The following PCSK5 variants were observed in gnomAD, a reference collection of about 807,000 sequenced individuals.
The protein encoded by PCSK5 is proprotein convertase subtilisin/kexin type 5.
PCSK5 carries 129 observed loss-of-function variants against 233.2 expected under a neutral mutation model. The ratio of observed to expected loss-of-function variants is 0.55; its 90% confidence interval spans 0.48 to 0.64. The LOEUF (loss-of-function observed/expected upper bound fraction) is 0.64. Among genes scored for constraint, PCSK5 ranks in the 30% least tolerant of loss-of-function variants. PCSK5 has a pLI of 0.00. For missense variants in PCSK5, 2,076 were observed against 2,430.1 expected (o/e 0.85, Z 3.06); for synonymous variants, 825 against 879.2 (o/e 0.94, Z 1.09).
chr9:76,102,235 GC>G (rs2131668542), intron 8 of PCSK5, among the ~76,000 whole-genome samples: 1 of 152,174 alleles, frequency 6.6e-6, no homozygotes, highest in East Asian at 1.9e-4. Context: ...GCACTGACGA[GC>G]CCTTTTGTAG....
At chr9:76,252,472 G>A (rs772680156) in intron 24 of PCSK5, among the ~76,000 whole-genome samples, 2 of 152,090 alleles carry the variant, frequency 1.3e-5, no homozygotes, top group Non-Finnish European at 2.9e-5. Context: ...TGCTCATCTA[G>A]AGCTGTCAGC....
intron 8 of PCSK5, among the ~76,000 whole-genome samples, chr9:76,097,693 C>G (rs1017676777): frequency 1.3e-5 from 2 of 152,214 alleles, no homozygotes; most frequent in Non-Finnish European, 2.9e-5. Flanking sequence ...AAAGAGGACA[C>G]TTAGTAGCAC....
chr9:76,176,659 T>C (rs982511841), intron 14 of PCSK5, among the ~76,000 whole-genome samples: 1 of 152,224 alleles, frequency 6.6e-6, no homozygotes, highest in African/African-American at 2.4e-5. Context: ...TTCTTCTTGT[T>C]AGCGTTACAC....
intron 24 of PCSK5, among the ~76,000 whole-genome samples, chr9:76,250,790 G>GTT (rs1826777013): frequency 6.6e-6 from 1 of 152,162 alleles, no homozygotes; most frequent in Admixed American, 6.5e-5. Flanking sequence ...CGGACTTTAC[G>GTT]TTAGTAATAA....
chr9:76,279,330 G>C (rs1338568241), intron 24 of PCSK5, among the ~76,000 whole-genome samples: 3 of 148,946 alleles, frequency 2.0e-5, no homozygotes, highest in Non-Finnish European at 3.0e-5. Context: ...CATTTGGGTT[G>C]GTTCCAAGTC....
chr9:76,304,278 G>A (rs17062412), intron 28 of PCSK5, among the ~76,000 whole-genome samples: 19,341 of 152,196 alleles, frequency 0.13, 1,390 homozygotes, highest in Non-Finnish European at 0.14. Flanking sequence ...ACCTGTATTT[G>A]CATCTATCCG....
intron 30 of PCSK5, among the ~76,000 whole-genome samples, chr9:76,312,149 TGACA>T (rs1191377914): frequency 6.6e-6 from 1 of 152,216 alleles, no homozygotes; most frequent in Non-Finnish European, 1.5e-5. Context: ...CGGAAGTAAC[TGACA>T]GTGTCTACTT....
At chr9:76,160,954 A>C (rs1822826537) in intron 12 of PCSK5, among the ~76,000 whole-genome samples, 1 of 152,020 alleles carries the variant, frequency 6.6e-6, no homozygotes, top group East Asian at 1.9e-4. Context: ...TTGTATTTTT[A>C]GTAGAGACGG....
At chr9:76,207,515 T>C (rs1458192890) in intron 20 of PCSK5, among the ~76,000 whole-genome samples, 1 of 152,234 alleles carries the variant, frequency 6.6e-6, no homozygotes, top group Non-Finnish European at 1.5e-5. Flanking sequence ...TATTAAACAC[T>C]TACTATGTGT....
intron 20 of PCSK5, chr9:76,209,619 T>C (rs1001297158): frequency 2.2e-5 from 11 of 490,432 alleles, no homozygotes; most frequent in African/African-American, 5.9e-5. Context: ...AGTCAACTTA[T>C]TTATTTACCA....
At chr9:76,240,561 ACG>A in intron 23 of PCSK5, 53 bp from the exon 24 acceptor site, 1 of 1,169,096 alleles carries the variant, frequency 8.6e-7, no homozygotes, top group Non-Finnish European at 1.3e-6. Flanking sequence ...GTAGCAATTA[ACG>A]TGTCTCCACT....
chr9:76,256,907 C>T (rs1403850324), intron 24 of PCSK5, among the ~76,000 whole-genome samples: 1 of 152,220 alleles, frequency 6.6e-6, no homozygotes, highest in Admixed American at 6.5e-5. Flanking sequence ...AGGAAAGCAT[C>T]ACATAAATTG....
chr9:76,109,629 G>A (rs1377187677), intron 9 of PCSK5, among the ~76,000 whole-genome samples: 1 of 150,448 alleles, frequency 6.6e-6, no homozygotes, highest in African/African-American at 2.4e-5. Context: ...CAACTGTGAT[G>A]AGTAGAAGGA....
At chr9:75,968,077 A>G (rs769831016) in intron 2 of PCSK5, among the ~76,000 whole-genome samples, 10 of 152,214 alleles carry the variant, frequency 6.6e-5, no homozygotes, top group Non-Finnish European at 1.3e-4. Context: ...CCAGCCTTTT[A>G]TAGTTAACTG....
At chr9:75,902,214 T>TTAA (rs1554703242) in intron 1 of PCSK5, among the ~76,000 whole-genome samples, 3 of 53,298 alleles carry the variant, frequency 5.6e-5, no homozygotes, top group African/African-American at 8.0e-5. Context: ...AGACACCATC[T>TTAA]AAAAAAAAAA....
At chr9:76,189,383 G>T (rs1824257047) in intron 19 of PCSK5, among the ~76,000 whole-genome samples, 160 bp downstream of exon 19, 1 of 152,170 alleles carries the variant, frequency 6.6e-6, no homozygotes, top group Non-Finnish European at 1.5e-5. Context: ...GCTTATCATT[G>T]ATATTTTTAT....
chr9:76,096,211 A>ACACG, intron 8 of PCSK5, 109 bp downstream of exon 8: 1 of 684,588 alleles, frequency 1.5e-6, no homozygotes. Flanking sequence ...ACACACACAC[A>ACACG]CACAGAAGTA....
intron 8 of PCSK5, among the ~76,000 whole-genome samples, chr9:76,098,673 A>T (rs1416612778): frequency 6.6e-6 from 1 of 152,200 alleles, no homozygotes; most frequent in Non-Finnish European, 1.5e-5. Flanking sequence ...GGTGATTGCT[A>T]TGGGGAGGGT....
chr9:76,338,589 G>C, intron 35 of PCSK5, 142 bp downstream of exon 35: 1 of 630,958 alleles, frequency 1.6e-6, no homozygotes, highest in Non-Finnish European at 2.8e-6. Flanking sequence ...CAGCATCAGC[G>C]CCCTCTGTTC....
Sources: allele counts gnomAD v4.1 joint callset (sites outside exome capture counted in the v4.1 genomes callset), GRCh38; gene constraint gnomAD v4.1.1; transcripts MANE v1.5; gene names NCBI Gene and HGNC (gene_info 2026-07-23, HGNC 2026-07-21).